The following MACROD2 variants were observed in gnomAD, a reference collection of about 807,000 sequenced individuals.
The protein encoded by MACROD2 is mono-ADP ribosylhydrolase 2.
Under a neutral mutation model 70.4 loss-of-function variants are expected in MACROD2, and 36 were observed. That is an observed-to-expected ratio of 0.51 (90% CI 0.39 to 0.68). MACROD2 has a LOEUF of 0.68. Among genes scored for constraint, MACROD2 ranks in the 30% least tolerant of loss-of-function variants. MACROD2 has a pLI of 0.00. For synonymous variants in MACROD2, 172 were observed against 178.8 expected (o/e 0.96, Z 0.30); for missense variants, 496 against 538.4 (o/e 0.92, Z 0.78).
intron 3 of MACROD2, among the ~76,000 whole-genome samples, chr20:14,412,235 G>C (rs529086355): frequency 1.3e-5 from 2 of 152,242 alleles, no homozygotes; most frequent in East Asian, 3.9e-4. Flanking sequence ...CTGTGACCCT[G>C]GGCCCTTTGG....
intron 6 of MACROD2, among the ~76,000 whole-genome samples, chr20:15,388,885 A>G (rs920371131): frequency 5.3e-5 from 8 of 152,222 alleles, no homozygotes; most frequent in Admixed American, 5.2e-4. Flanking sequence ...GAAAACTGGT[A>G]TCCAAGGAAG....
chr20:14,986,419 T>G (rs2074849227), intron 5 of MACROD2, among the ~76,000 whole-genome samples: 1 of 152,170 alleles, frequency 6.6e-6, no homozygotes, highest in Non-Finnish European at 1.5e-5. Context: ...TTCCTGCAGA[T>G]CCATTATTAG....
intron 6 of MACROD2, among the ~76,000 whole-genome samples, chr20:15,358,092 GCCACCGCGCCCGGC>G (rs1568746123): frequency 6.6e-6 from 1 of 152,022 alleles, no homozygotes; most frequent in African/African-American, 2.4e-5. Context: ...ACAGGGGTGA[GCCACCGCGCCCGGC>G]CCTCAGTCAT....
At chr20:14,700,782 A>G (rs2071188072) in intron 5 of MACROD2, among the ~76,000 whole-genome samples, 1 of 152,126 alleles carries the variant, frequency 6.6e-6, no homozygotes, top group African/African-American at 2.4e-5. Flanking sequence ...TAATCTACAT[A>G]CCAAACATAG....
intron 3 of MACROD2, among the ~76,000 whole-genome samples, chr20:14,459,210 G>A (rs34488437): frequency 0.15 from 22,628 of 151,788 alleles, 2,388 homozygotes; most frequent in Non-Finnish European, 0.21. Flanking sequence ...TTCGTTTGAT[G>A]TGATTACTTA....
chr20:15,663,550 T>A (rs2049852996), intron 8 of MACROD2, among the ~76,000 whole-genome samples: 1 of 152,020 alleles, frequency 6.6e-6, no homozygotes, highest in African/African-American at 2.4e-5. Flanking sequence ...TTTGAATTTT[T>A]TATGTGAAAA....
At chr20:14,084,282 A>G (rs1246322079) in intron 2 of MACROD2, among the ~76,000 whole-genome samples, 1 of 151,926 alleles carries the variant, frequency 6.6e-6, no homozygotes, top group African/African-American at 2.4e-5. Context: ...TCAAGATTGC[A>G]TGCTCATGAG....
rs2076894392 is a variant in MACROD2 at position 15,225,103 on chromosome 20, G to C, written c.419-4837G>C. On this transcript the variant is annotated intron_variant, in intron 5 of 17. Transcript: ENST00000684519. The stretch of plus-strand genomic sequence containing the variant: ...CCATGTAGGAAAAAAATGCCCTCTT[G>C]TTCATCATTTAAACCCTATATTTAT... Among the ~76,000 whole-genome samples the C allele has an allele frequency of 2.6e-5, 4 of 151,640 alleles. No individual in the cohort carries two copies. In the South Asian group the frequency reaches 8.3e-4, roughly 32 times the overall value.
intron 5 of MACROD2, among the ~76,000 whole-genome samples, chr20:14,744,212 A>C (rs2071770071): frequency 6.6e-6 from 1 of 152,198 alleles, no homozygotes; most frequent in African/African-American, 2.4e-5. Context: ...TGAGGTATAT[A>C]TATGCAAGAG....
At chr20:14,470,530 C>A (rs563945146) in intron 3 of MACROD2, among the ~76,000 whole-genome samples, 1 of 152,140 alleles carries the variant, frequency 6.6e-6, no homozygotes, top group Non-Finnish European at 1.5e-5. Flanking sequence ...CATAGCCGCC[C>A]CTACCCCCAG....
At chr20:14,790,103 A>G (rs57078631) in intron 5 of MACROD2, among the ~76,000 whole-genome samples, 8,922 of 152,166 alleles carry the variant, frequency 0.059, 335 homozygotes, top group African/African-American at 0.097. Flanking sequence ...CTTTATTTCA[A>G]TTGGCAACTT....
intron 3 of MACROD2, among the ~76,000 whole-genome samples, chr20:14,287,101 G>C (rs1341441728): frequency 6.6e-6 from 1 of 152,106 alleles, no homozygotes; most frequent in Non-Finnish European, 1.5e-5. Flanking sequence ...CTAGAGTACT[G>C]TGTCCTATCC....
intron 6 of MACROD2, among the ~76,000 whole-genome samples, chr20:15,298,964 A>G (rs2077616780): frequency 6.6e-6 from 1 of 152,192 alleles, no homozygotes; most frequent in African/African-American, 2.4e-5. Flanking sequence ...GAGAATTTGA[A>G]TTTAAGTTTT....
At chr20:15,294,869 A>C in intron 6 of MACROD2, among the ~76,000 whole-genome samples, 1 of 152,174 alleles carries the variant, frequency 6.6e-6, no homozygotes, top group Middle Eastern at 3.2e-3. Flanking sequence ...CAAAACAAAA[A>C]CACTCTCTTT....
At chr20:14,630,191 C>T (rs1235827763) in intron 4 of MACROD2, among the ~76,000 whole-genome samples, 1 of 152,128 alleles carries the variant, frequency 6.6e-6, no homozygotes, top group Non-Finnish European at 1.5e-5. Context: ...TGCCTTTCAA[C>T]AGTGTAAAAC....
intron 3 of MACROD2, among the ~76,000 whole-genome samples, chr20:14,251,459 A>C (rs146760616): frequency 6.6e-6 from 1 of 152,124 alleles, no homozygotes; most frequent in South Asian, 2.1e-4. Flanking sequence ...AACTGAACAC[A>C]CCACACTTTC....
intron 6 of MACROD2, among the ~76,000 whole-genome samples, chr20:15,392,718 C>G (rs1275797295): frequency 2.0e-5 from 3 of 152,084 alleles, no homozygotes; most frequent in African/African-American, 7.2e-5. Flanking sequence ...TTCCCTTGCT[C>G]TCTTCCACTC....
chr20:14,694,941 T>A (rs1370228509), intron 5 of MACROD2, among the ~76,000 whole-genome samples: 1 of 152,158 alleles, frequency 6.6e-6, no homozygotes, highest in Non-Finnish European at 1.5e-5. Flanking sequence ...CCCCTCTACT[T>A]AAACATGGCC....
chr20:15,336,805 T>G (rs1282113105), intron 6 of MACROD2, among the ~76,000 whole-genome samples: 2 of 151,712 alleles, frequency 1.3e-5, no homozygotes, highest in Non-Finnish European at 2.9e-5. Context: ...TGCTTTAAGT[T>G]GATTTTCAAC....
Sources: gnomAD v4.1 joint callset for allele counts (sites outside exome capture counted in the v4.1 genomes callset) on GRCh38, gnomAD v4.1.1 for gene constraint, MANE v1.5 for transcripts, NCBI Gene and HGNC (gene_info 2026-07-23, HGNC 2026-07-21) for gene names.